The following BARD1 variants were observed in gnomAD, a reference collection of about 807,000 sequenced individuals.
The protein encoded by BARD1 is BRCA1 associated RING domain 1.
BARD1 carries 73 observed loss-of-function variants against 77.0 expected under a neutral mutation model. That is an observed-to-expected ratio of 0.95 (90% CI 0.79 to 1.15). BARD1 has a LOEUF of 1.15. Ranked by LOEUF, BARD1 falls within the 50% of genes most tolerant of loss-of-function variation. The pLI is 0.00. For synonymous variants in BARD1, 384 were observed against 338.0 expected, an observed-to-expected ratio of 1.14 and a Z score of -1.49; for missense variants, 993 against 938.8, an observed-to-expected ratio of 1.06 and a Z score of -0.75.
rs540801056 is a variant in BARD1 at position 214,728,091 on chromosome 2, T to C, written c.*585A>G. On this transcript the variant is annotated 3_prime_UTR_variant, in exon 11 of 11. Transcript: ENST00000260947. ...ATTAAATCACAATTTCCTGATGATA[T>C]ACAAGATAAAAAACAGGGATGAAAG... 7.0e-5 allele frequency: 16 copies of C among 228,166 alleles called. No homozygotes were observed. Among genetic ancestry groups the C allele is most frequent in the Non-Finnish European group, 1.2e-4 (14 of 115,110 alleles). 14.1% of individuals were successfully genotyped at this position (228,166 alleles called of 1,614,324 possible). A position where few individuals can be genotyped will look rare whatever the true frequency, so the allele number is the denominator to read the frequency against.
At chr2:214,800,500 T>C (rs1227088208) in intron 1 of BARD1, among the ~76,000 whole-genome samples, 1 of 152,190 alleles carries the variant, frequency 6.6e-6, no homozygotes, top group Non-Finnish European at 1.5e-5. Context: ...ATCGTGCCTG[T>C]GAATAGCCAC....
Position 214,730,476 on chromosome 2 carries a change from C to G in BARD1, c.1936G>C (p.Glu646Gln). Residue 646 changes from glutamate to glutamine, a missense_variant, in exon 10 of 11, where the codon GAA (glutamate) becomes CAA (glutamine). By Grantham distance (29) the Glu-to-Gln change is conservative. Transcript: ENST00000260947. The part of the protein sequence containing the change: ...VKACLRRKVC[E>Q]QEEKYEIPEG... ...GGAATTTCATACTTTTCTTCCTGTT[C>G]ACATACTTTTCTTCGTAGACATGCT... is the stretch of plus-strand genomic sequence containing the variant. The G allele has an allele frequency of 6.2e-7, 1 of 1,613,950 alleles. No individual in the cohort carries two copies. Among genetic ancestry groups the G allele is most frequent in the Non-Finnish European group, 8.5e-7 (1 of 1,179,956 alleles).
Position 214,781,228 on chromosome 2 carries a change from G to C in BARD1, c.646C>G (p.Gln216Glu). ...QKKKTLAEIN[Q>E]KWNLEAEKED... ...TTTTCTGCCTCTAAATTCCATTTTTGGTTGATTTCAGCTAAAGTTTTCTTT... is the reference window on the plus strand; with the variant it reads ...TTTTCTGCCTCTAAATTCCATTTTTCGTTGATTTCAGCTAAAGTTTTCTTT... Residue 216 changes from glutamine to glutamate, a missense_variant, in exon 4 of 11, where the codon CAA (glutamine) becomes GAA (glutamate). Transcript: ENST00000260947. The C allele has an allele frequency of 6.3e-7, 1 of 1,594,134 alleles. No individual in the cohort carries two copies. The highest frequency in any genetic ancestry group is 8.5e-7 in the Non-Finnish European group (1 of 1,175,178).
At position 214,728,808 on chromosome 2, in the gene BARD1, T is replaced by C. The variant is rs786201370; in HGVS notation, c.2202A>G (p.Thr734=). ...ACAAATCTTCATAGATGATATACTG[T>C]GTGCAGAAGCGCTGATCAGAATCGG... is the stretch of plus-strand genomic sequence containing the variant. ...ARPDSDQRFC[T]QYIIYEDLCN... Residue 734 remains threonine, a synonymous_variant, in exon 11 of 11, where the codon ACA becomes ACG. Coordinates refer to ENST00000260947, the MANE Select transcript of BARD1 (RefSeq NM_000465.4). 35 of 1,614,120 alleles carry C rather than the reference T, an allele frequency of 2.2e-5. No homozygotes were observed. The highest frequency in any genetic ancestry group is 2.9e-5 in the Non-Finnish European group (34 of 1,180,042).
chr2:214,780,739 T>C lies in BARD1; in HGVS notation c.1135A>G (p.Lys379Glu), dbSNP rs1060501280. The change falls in exon 4 of 11, where the codon AAA (lysine) becomes GAA (glutamate). Residue 379 changes from lysine to glutamate, a missense_variant. Lys to Glu is a moderately conservative substitution (Grantham distance 56). Transcript: ENST00000260947. ...AATTCATCGGACATGTTACTGTTTT[T>C]CCTCCCTGATGTACCACCAACTTTA... ...KRKVGGTSGR[K>E]NSNMSDEFIS... 6.2e-7 allele frequency: 1 copy of C among 1,614,078 alleles called. No individual in the cohort carries two copies.
rs1696089760 is a variant in BARD1 at position 214,802,914 on chromosome 2, C to G, written c.159-5797G>C. Among the ~76,000 whole-genome samples the G allele has an allele frequency of 2.0e-5, 3 of 152,102 alleles. No individual in the cohort carries two copies. In the South Asian group the frequency reaches 6.2e-4, roughly 32 times the overall value. ...CAGTGTGGGGAAAAGCAAGAGAGAT[C>G]AGATTGTTACTGTGTCTGTATAGAA... On this transcript the variant is annotated intron_variant, in intron 1 of 10. Coordinates refer to ENST00000260947, the MANE Select transcript of BARD1 (RefSeq NM_000465.4).
chr2:214,766,808 A>AT lies in BARD1; in HGVS notation c.1568+673dup, dbSNP rs201827641. Among the ~76,000 whole-genome samples, 1,392 of 151,532 alleles carry AT rather than the reference A, an allele frequency of 9.2e-3. 8 individuals are homozygous for AT. Among genetic ancestry groups the AT allele is most frequent in the Middle Eastern group, 0.075 (22 of 292 alleles). On this transcript the variant is annotated intron_variant, in intron 6 of 10. Transcript: ENST00000260947. ...CTATATTACTTATTATCGTAGTGTTATTTTTTTTCCCCTTTTTAAACTTTT... is the reference window on the plus strand; with the variant it reads ...CTATATTACTTATTATCGTAGTGTTATTTTTTTTTCCCCTTTTTAAACTTTT...
At chr2:214,787,774 AAAG>A (rs1695336975) in intron 3 of BARD1, among the ~76,000 whole-genome samples, 1 of 152,030 alleles carries the variant, frequency 6.6e-6, no homozygotes, top group African/African-American at 2.4e-5. Flanking sequence ...ACTATAGAAA[AAAG>A]AGGCAATTAG....
chr2:214,756,672 T>C (rs183531935), intron 6 of BARD1, among the ~76,000 whole-genome samples: 6 of 152,330 alleles, frequency 3.9e-5, no homozygotes, highest in Non-Finnish European at 1.5e-5. Context: ...ACTAATGGCA[T>C]TCACAGCAAC....
At chr2:214,754,201 C>G (rs1163839658) in intron 6 of BARD1, among the ~76,000 whole-genome samples, 3 of 151,772 alleles carry the variant, frequency 2.0e-5, no homozygotes, top group African/African-American at 7.3e-5. Context: ...TCTTAAACCA[C>G]CAAGTGCAAA....
At chr2:214,796,832 TCTA>T in intron 2 of BARD1, 1 of 527,492 alleles carries the variant, frequency 1.9e-6, no homozygotes, top group South Asian at 2.7e-5. Context: ...GGCAAAGCTG[TCTA>T]CTAAGCTTTG....
Position 214,787,051 on chromosome 2 carries a change from T to C in BARD1, c.364+5246A>G, listed in dbSNP as rs538118754. Among the ~76,000 whole-genome samples, 7 of 152,024 alleles carry C rather than the reference T, an allele frequency of 4.6e-5. No individual in the cohort carries two copies. In the South Asian group the frequency reaches 1.2e-3, roughly 27 times the overall value. ...GTCATAAAGGTTAATCCTCTGATAG[T>C]CTGTAATAACTTGTATTTGATTTTT... On this transcript the variant is annotated intron_variant, in intron 3 of 10. Coordinates refer to ENST00000260947, the MANE Select transcript of BARD1 (RefSeq NM_000465.4).
intron 4 of BARD1, among the ~76,000 whole-genome samples, chr2:214,770,163 A>G (rs1357091421): frequency 6.6e-6 from 1 of 152,208 alleles, no homozygotes; most frequent in Non-Finnish European, 1.5e-5. Flanking sequence ...GCAAAAAAAG[A>G]GATCAGTACA....
intron 7 of BARD1, among the ~76,000 whole-genome samples, chr2:214,750,427 C>T (rs547825822): frequency 4.6e-5 from 7 of 152,306 alleles, no homozygotes; most frequent in Admixed American, 6.5e-5. Context: ...CTTAAACACA[C>T]GTCATACTCC....
At chr2:214,741,890 T>C (rs772035244) in intron 9 of BARD1, among the ~76,000 whole-genome samples, 1 of 150,774 alleles carries the variant, frequency 6.6e-6, no homozygotes, top group African/African-American at 2.4e-5. Flanking sequence ...AAACTTCTCA[T>C]AGTTAAATTT....
At position 214,781,149 on chromosome 2, in the gene BARD1, A is replaced by T. The variant is rs1354702896; in HGVS notation, c.725T>A (p.Phe242Tyr). 2 of 1,576,126 alleles carry T rather than the reference A, an allele frequency of 1.3e-6. No individual in the cohort carries two copies. Among genetic ancestry groups the T allele is most frequent in the Non-Finnish European group, 1.7e-6 (2 of 1,166,582 alleles). Reference protein sequence around the residue: ...KEESKQKLVSFCSQPSVISSP... With the variant: ...KEESKQKLVSYCSQPSVISSP... ...GGAGATAACAGATGGTTGGCTACAG[A>T]AGGATACCAGCTTTTGCTTAGATTC... is the stretch of plus-strand genomic sequence containing the variant. The change falls in exon 4 of 11, where the codon TTC becomes TAC. Residue 242 changes from phenylalanine (F) to tyrosine (Y), a missense_variant. By Grantham distance (22) the Phe-to-Tyr change is conservative. Coordinates refer to ENST00000260947, the MANE Select transcript of BARD1 (RefSeq NM_000465.4).
At chr2:214,730,326 T>G in intron 10 of BARD1, 85 bp downstream of exon 10, 1 of 1,207,656 alleles carries the variant, frequency 8.3e-7, no homozygotes, top group Non-Finnish European at 1.2e-6. Flanking sequence ...CCTGTAGCTG[T>G]TGAAAGGGCA....
At chr2:214,786,955 T>C (rs770030119) in intron 3 of BARD1, among the ~76,000 whole-genome samples, 47 of 151,920 alleles carry the variant, frequency 3.1e-4, no homozygotes, top group Non-Finnish European at 5.7e-4. Context: ...TGATATAATC[T>C]CAAGTCTATA....
At chr2:214,747,859 T>A (rs1018111491) in intron 7 of BARD1, among the ~76,000 whole-genome samples, 4 of 149,498 alleles carry the variant, frequency 2.7e-5, no homozygotes, top group Non-Finnish European at 4.5e-5. Flanking sequence ...AGTATAATAA[T>A]AATAAAATAA....
Sources: allele counts gnomAD v4.1 joint callset (sites outside exome capture counted in the v4.1 genomes callset), GRCh38; gene constraint gnomAD v4.1.1; transcripts MANE v1.5; gene names NCBI Gene and HGNC (gene_info 2026-07-23, HGNC 2026-07-21).